The following RUNDC3B variants were observed in gnomAD, a reference collection of about 807,000 sequenced individuals.
RUNDC3B encodes RUN domain containing 3B.
RUNDC3B carries 33 observed loss-of-function variants against 58.4 expected under a neutral mutation model. That is an observed-to-expected ratio of 0.56 (90% confidence interval 0.43 to 0.75). The LOEUF (loss-of-function observed/expected upper bound fraction) is 0.75. RUNDC3B is among the 30% of genes least tolerant of loss of function. The probability of loss-of-function intolerance (pLI) is 0.00; values close to 1 mark genes in which losing one functional copy is unlikely to be tolerated. For synonymous variants in RUNDC3B, 193 were observed against 195.2 expected (o/e 0.99, Z 0.10); for missense variants, 501 against 535.7 (o/e 0.94, Z 0.64).
At chr7:87,721,103 A>G (rs1294252375) in intron 4 of RUNDC3B, among the ~76,000 whole-genome samples, 1 of 151,012 alleles carries the variant, frequency 6.6e-6, no homozygotes, top group Admixed American at 6.6e-5. Flanking sequence ...GTAACTGTAA[A>G]AAAAGAAAAT....
intron 4 of RUNDC3B, among the ~76,000 whole-genome samples, chr7:87,722,084 A>AT (rs904128612): frequency 1.6e-4 from 24 of 149,170 alleles, no homozygotes; most frequent in Admixed American, 8.1e-4. Context: ...CTTTCCTTTA[A>AT]TTTTTTTTTT....
intron 8 of RUNDC3B, among the ~76,000 whole-genome samples, chr7:87,780,993 T>C (rs1375741864): frequency 1.3e-5 from 2 of 152,216 alleles, no homozygotes; most frequent in Non-Finnish European, 2.9e-5. Context: ...TTAGAATTTC[T>C]TTTCTAATTC....
intron 2 of RUNDC3B, among the ~76,000 whole-genome samples, chr7:87,677,646 C>T (rs147992942): frequency 1.4e-4 from 21 of 152,100 alleles, no homozygotes; most frequent in African/African-American, 5.1e-4. Context: ...GTGTTCTCAC[C>T]ATACATACAC....
chr7:87,650,306 G>C (rs1012062934), intron 1 of RUNDC3B, among the ~76,000 whole-genome samples: 3 of 152,080 alleles, frequency 2.0e-5, no homozygotes, highest in Admixed American at 2.0e-4. Flanking sequence ...CTTAAACCAG[G>C]TAATTTATAA....
chr7:87,800,648 CTTTTCTTTTT>C (rs1200852700), intron 8 of RUNDC3B, among the ~76,000 whole-genome samples: 1 of 148,174 alleles, frequency 6.7e-6, no homozygotes, highest in African/African-American at 2.5e-5. Flanking sequence ...CTCATCTTTT[CTTTTCTTTTT>C]TTTTTTTTTT....
chr7:87,789,822 G>A (rs896074888), intron 8 of RUNDC3B, among the ~76,000 whole-genome samples: 2 of 152,182 alleles, frequency 1.3e-5, no homozygotes, highest in South Asian at 4.1e-4. Context: ...GAGCAAGAAC[G>A]ACTTTGTATT....
At chr7:87,707,184 A>G (rs1462654408) in intron 3 of RUNDC3B, among the ~76,000 whole-genome samples, 1 of 152,186 alleles carries the variant, frequency 6.6e-6, no homozygotes, top group Non-Finnish European at 1.5e-5. Context: ...TGTCTAGTAT[A>G]CAGTAAAAAA....
At chr7:87,793,567 A>G (rs1040850605) in intron 8 of RUNDC3B, among the ~76,000 whole-genome samples, 3 of 152,198 alleles carry the variant, frequency 2.0e-5, no homozygotes, top group African/African-American at 7.2e-5. Context: ...AGAATGAAGG[A>G]TTAAAAACCA....
At chr7:87,803,942 G>A (rs1836303142) in intron 8 of RUNDC3B, among the ~76,000 whole-genome samples, 2 of 151,966 alleles carry the variant, frequency 1.3e-5, no homozygotes, top group South Asian at 4.2e-4. Flanking sequence ...AGGAGATTCA[G>A]CAATATGTCC....
intron 6 of RUNDC3B, among the ~76,000 whole-genome samples, chr7:87,745,700 C>T (rs1388490315): frequency 6.6e-6 from 1 of 151,992 alleles, no homozygotes; most frequent in Non-Finnish European, 1.5e-5. Flanking sequence ...ATTTTCTTTT[C>T]TTGGTTAATC....
At chr7:87,778,050 A>G (rs1584184520) in intron 8 of RUNDC3B, 95 bp downstream of exon 8, 1 of 1,012,968 alleles carries the variant, frequency 9.9e-7, no homozygotes, top group East Asian at 2.5e-5. Flanking sequence ...AAGAAATCTT[A>G]TTGCCTGTTA....
In RUNDC3B at chr7:87,727,622, G is replaced by T. The variant is rs557767824; in HGVS notation, c.459-12169G>T. 4.6e-5 allele frequency among the ~76,000 whole-genome samples: 7 copies of T among 151,994 alleles called. No individual in the cohort carries two copies. In the South Asian group the frequency reaches 1.5e-3, roughly 32 times the overall value. On this transcript the variant is annotated intron_variant, in intron 4 of 10. Coordinates refer to ENST00000394654, the MANE Select transcript of RUNDC3B (RefSeq NM_001134405.2). ...CAGATGAATTTCTAAAACAAAGATC[G>T]ACTAGGAAAAAAAATCTGCAATACT...
chr7:87,682,191 C>A (rs892813905), intron 2 of RUNDC3B, among the ~76,000 whole-genome samples: 1 of 152,202 alleles, frequency 6.6e-6, no homozygotes. Flanking sequence ...AGTTCTACTT[C>A]TAGTTCTCTT....
chr7:87,719,496 C>A (rs1194644221), intron 4 of RUNDC3B, among the ~76,000 whole-genome samples: 1 of 151,152 alleles, frequency 6.6e-6, no homozygotes, highest in Non-Finnish European at 1.5e-5. Flanking sequence ...AGTAAATATA[C>A]AAAATTAACT....
chr7:87,748,506 G>A (rs1053416078), intron 6 of RUNDC3B, among the ~76,000 whole-genome samples: 1 of 152,124 alleles, frequency 6.6e-6, no homozygotes, highest in African/African-American at 2.4e-5. Context: ...TGTCCTCCAT[G>A]ATGATCTACA....
At chr7:87,820,962 C>T (rs531735646) in intron 10 of RUNDC3B, among the ~76,000 whole-genome samples, 52 of 151,258 alleles carry the variant, frequency 3.4e-4, no homozygotes, top group African/African-American at 1.2e-3. Flanking sequence ...TGGAAGCATT[C>T]CCTTTGAAAA....
intron 6 of RUNDC3B, among the ~76,000 whole-genome samples, chr7:87,755,135 G>A (rs938121345): frequency 6.6e-6 from 1 of 151,478 alleles, no homozygotes; most frequent in Admixed American, 6.6e-5. Context: ...TGATTCTCCT[G>A]CCTCAGCCTC....
intron 8 of RUNDC3B, among the ~76,000 whole-genome samples, chr7:87,784,001 A>G (rs1187695001): frequency 6.6e-6 from 1 of 152,060 alleles, no homozygotes; most frequent in Non-Finnish European, 1.5e-5. Flanking sequence ...CTTGTATAGT[A>G]TCTCATAGAG....
At chr7:87,681,900 A>T (rs1029090752) in intron 2 of RUNDC3B, among the ~76,000 whole-genome samples, 2 of 152,170 alleles carry the variant, frequency 1.3e-5, no homozygotes, top group African/African-American at 2.4e-5. Flanking sequence ...CTTTCATGAA[A>T]GGTTTCTCTC....
Sources: allele counts gnomAD v4.1 joint callset (sites outside exome capture counted in the v4.1 genomes callset), GRCh38; gene constraint gnomAD v4.1.1; transcripts MANE v1.5; gene names NCBI Gene and HGNC (gene_info 2026-07-23, HGNC 2026-07-21).